The following LRP1B variants were observed in gnomAD, a reference collection of about 807,000 sequenced individuals.
LRP1B encodes the protein low-density lipoprotein receptor-related protein 1B.
A neutral mutation model predicts 556.6 loss-of-function variants in LRP1B; 217 were observed. The ratio of observed to expected loss-of-function variants is 0.39; its 90% CI spans 0.35 to 0.44. The LOEUF is 0.44. LRP1B is among the 20% of genes least tolerant of loss of function. The pLI is 1.00. For synonymous variants in LRP1B, 2,047 were observed against 1,865.8 expected (o/e 1.10, Z -2.50); for missense variants, 5,053 against 5,620.8 (o/e 0.90, Z 3.23).
chr2:140,233,757 T>C (rs1680574034), intron 90 of LRP1B, among the ~76,000 whole-genome samples: 1 of 151,372 alleles, frequency 6.6e-6, no homozygotes, highest in Non-Finnish European at 1.5e-5. Flanking sequence ...GTTTGGTGCT[T>C]ATAATTTTTC....
intron 3 of LRP1B, among the ~76,000 whole-genome samples, chr2:141,473,369 G>A (rs1246352527): frequency 1.3e-5 from 2 of 152,046 alleles, no homozygotes; most frequent in Non-Finnish European, 2.9e-5. Flanking sequence ...AAACAATAGT[G>A]GTATAGGTCT....
At chr2:141,320,523 C>T (rs1687200536) in intron 3 of LRP1B, among the ~76,000 whole-genome samples, 1 of 152,082 alleles carries the variant, frequency 6.6e-6, no homozygotes, top group Non-Finnish European at 1.5e-5. Context: ...CGGAGGACCA[C>T]TCCTACTTAA....
intron 43 of LRP1B, among the ~76,000 whole-genome samples, chr2:140,542,922 G>A (rs1008461631): frequency 6.6e-6 from 1 of 152,168 alleles, no homozygotes; most frequent in Non-Finnish European, 1.5e-5. Context: ...AAGAATTAGA[G>A]AGGAGAGTCC....
intron 41 of LRP1B, among the ~76,000 whole-genome samples, chr2:140,655,181 AG>A (rs756156577): frequency 7.2e-5 from 11 of 152,130 alleles, no homozygotes; most frequent in Non-Finnish European, 1.2e-4. Context: ...TTATTATATA[AG>A]GAAATAATTA....
At chr2:141,812,533 T>C (rs1472108501) in intron 1 of LRP1B, among the ~76,000 whole-genome samples, 2 of 152,016 alleles carry the variant, frequency 1.3e-5, no homozygotes, top group Non-Finnish European at 2.9e-5. Flanking sequence ...CAGTGAATAA[T>C]TGATAAGTAC....
At chr2:140,599,386 T>A (rs1682566374) in intron 42 of LRP1B, among the ~76,000 whole-genome samples, 1 of 152,104 alleles carries the variant, frequency 6.6e-6, no homozygotes, top group African/African-American at 2.4e-5. Context: ...TCAGTGTGAT[T>A]TTTCTATAAA....
At chr2:140,699,431 A>G (rs1686550307) in intron 41 of LRP1B, among the ~76,000 whole-genome samples, 2 of 152,020 alleles carry the variant, frequency 1.3e-5, no homozygotes, top group African/African-American at 4.8e-5. Context: ...TGATGGTTGC[A>G]GAGATGAGTC....
Position 142,032,295 on chromosome 2 carries a change from C to T in LRP1B, c.82+98353G>A, listed in dbSNP as rs377738590. Among the ~76,000 whole-genome samples, 6 of 151,850 alleles carry T rather than the reference C, an allele frequency of 4.0e-5. No homozygotes were observed. The East Asian group carries it at 7.8e-4, about 20-fold the overall frequency. ...GTTAATCCCTCTATCCCATGCAAAC[C>T]TGTCCACCAATGCTCTTGATCCCAT... On this transcript the variant is annotated intron_variant, in intron 1 of 90. Coordinates refer to ENST00000389484, the MANE Select transcript of LRP1B (RefSeq NM_018557.3).
intron 2 of LRP1B, among the ~76,000 whole-genome samples, chr2:141,538,180 C>T (rs969666725): frequency 3.9e-5 from 6 of 152,020 alleles, no homozygotes; most frequent in Non-Finnish European, 7.4e-5. Flanking sequence ...CCGCCATTTG[C>T]TTGATATTCT....
At chr2:140,867,964 G>T in intron 26 of LRP1B, 130 bp from the exon 27 acceptor site, 1 of 1,279,860 alleles carries the variant, frequency 7.8e-7, no homozygotes, top group Non-Finnish European at 1.1e-6. Flanking sequence ...TATCTGATTT[G>T]GGGCAAGCAA....
At chr2:141,161,860 T>C (rs1680048264) in intron 7 of LRP1B, among the ~76,000 whole-genome samples, 1 of 152,072 alleles carries the variant, frequency 6.6e-6, no homozygotes, top group African/African-American at 2.4e-5. Context: ...CCTTGGGATA[T>C]GAGAGCAGGG....
chr2:142,130,922 G>C lies in LRP1B; in HGVS notation c.-193C>G. The stretch of plus-strand genomic sequence containing the variant: ...CTGCCTGGAGCAGGATGTGGAAGGT[G>C]GAGGGATGCGCGCGTGCGGGAGAGA... On this transcript the variant is annotated 5_prime_UTR_variant, in exon 1 of 91. Coordinates refer to ENST00000389484, the MANE Select transcript of LRP1B (RefSeq NM_018557.3). 1.6e-6 allele frequency: 1 copy of C among 625,582 alleles called. No homozygotes were observed. The highest frequency in any genetic ancestry group is 1.8e-5 in the African/African-American group (1 of 54,276). 38.8% of individuals were successfully genotyped at this position (625,582 alleles called of 1,614,324 possible).
At chr2:141,431,803 G>A (rs1680571164) in intron 3 of LRP1B, among the ~76,000 whole-genome samples, 1 of 151,902 alleles carries the variant, frequency 6.6e-6, no homozygotes, top group Admixed American at 6.6e-5. Flanking sequence ...ATTGATTTTT[G>A]TATGCTAATC....
intron 15 of LRP1B, among the ~76,000 whole-genome samples, chr2:140,997,471 A>G (rs1236727134): frequency 6.6e-6 from 1 of 151,782 alleles, no homozygotes; most frequent in East Asian, 1.9e-4. Context: ...CAGTTTAATA[A>G]CCTGTGGTGT....
chr2:141,543,139 C>T (rs1685325473), intron 2 of LRP1B, among the ~76,000 whole-genome samples: 1 of 152,042 alleles, frequency 6.6e-6, no homozygotes, highest in African/African-American at 2.4e-5. Context: ...TTGGTTGTCT[C>T]TTGGAGAGGA....
intron 2 of LRP1B, among the ~76,000 whole-genome samples, chr2:141,738,541 C>CA (rs1693578250): frequency 6.6e-6 from 1 of 151,900 alleles, no homozygotes; most frequent in South Asian, 2.1e-4. Flanking sequence ...CATATATGAA[C>CA]AAAAAAGGAG....
chr2:140,975,505 TC>T (rs1268621160), intron 18 of LRP1B, among the ~76,000 whole-genome samples: 1 of 38,092 alleles, frequency 2.6e-5, no homozygotes, highest in South Asian at 8.0e-4. Context: ...GGACATAGTT[TC>T]CCCCCATTCT....
chr2:140,698,698 C>T (rs2105415644), intron 41 of LRP1B, among the ~76,000 whole-genome samples: 1 of 152,146 alleles, frequency 6.6e-6, no homozygotes, highest in Admixed American at 6.6e-5. Context: ...TTTCATATTA[C>T]ACCAACACGT....
intron 1 of LRP1B, among the ~76,000 whole-genome samples, chr2:141,942,210 G>A (rs10166477): frequency 0.86 from 130,801 of 152,090 alleles, 56,420 homozygotes; most frequent in East Asian, 1. Context: ...CTCCGCCCTC[G>A]CCCCGCCCTC....
Sources: gnomAD v4.1 joint callset for allele counts (sites outside exome capture counted in the v4.1 genomes callset) on GRCh38, gnomAD v4.1.1 for gene constraint, MANE v1.5 for transcripts, NCBI Gene and HGNC (gene_info 2026-07-23, HGNC 2026-07-21) for gene names.